The following MAPDA variants were observed in gnomAD, a reference collection of about 807,000 sequenced individuals.
The protein encoded by MAPDA is N6,N6-dimethyl-AMP deaminase.
chr15:43,340,267 C>G, the MAPDA span: 1 of 1,613,622 alleles, frequency 6.2e-7, no homozygotes, highest in African/African-American at 1.3e-5. Context: ...ATTATCAGGT[C>G]ACAAAAGATG....
At chr15:43,340,939 A>G in the MAPDA span, among the ~76,000 whole-genome samples, 1 of 152,160 alleles carries the variant, frequency 6.6e-6, no homozygotes, top group Non-Finnish European at 1.5e-5. Flanking sequence ...ATCATGTTTT[A>G]TGGTAGTTAC....
chr15:43,330,715 T>C, the MAPDA span: 2 of 459,480 alleles, frequency 4.4e-6, no homozygotes, highest in East Asian at 6.8e-5. Flanking sequence ...TTCTTTGGAA[T>C]GTCGTGAGTT....
chr15:43,342,507 G>A, the MAPDA span, among the ~76,000 whole-genome samples: 1,589 of 149,880 alleles, frequency 0.011, 31 homozygotes, highest in African/African-American at 0.037. Flanking sequence ...CCAGCACTTT[G>A]GGAGGCCAAG....
the MAPDA span, chr15:43,349,182 T>G: frequency 6.8e-7 from 1 of 1,460,566 alleles, no homozygotes; most frequent in African/African-American, 1.4e-5. Context: ...GTGTGTGCTT[T>G]CTGAGCCTTA....
At chr15:43,335,915 T>C in the MAPDA span, 1 of 1,493,326 alleles carries the variant, frequency 6.7e-7, no homozygotes, top group Non-Finnish European at 9.0e-7. Flanking sequence ...CAGATTTTGG[T>C]AAACAGAAAT....
the MAPDA span, among the ~76,000 whole-genome samples, chr15:43,337,504 C>G: frequency 6.6e-6 from 1 of 152,248 alleles, no homozygotes; most frequent in African/African-American, 2.4e-5. Context: ...CTCCATGATA[C>G]TAGAGTCTGA....
chr15:43,348,912 A>C, the MAPDA span: 1 of 1,613,846 alleles, frequency 6.2e-7, no homozygotes, highest in Non-Finnish European at 8.5e-7. Context: ...TTTAGATTCC[A>C]AACCAAAAAA....
chr15:43,335,475 A>G, the MAPDA span, among the ~76,000 whole-genome samples: 1 of 152,204 alleles, frequency 6.6e-6, no homozygotes, highest in Non-Finnish European at 1.5e-5. Flanking sequence ...CGGAGGTTAC[A>G]GTGAGCTGAG....
At chr15:43,349,076 G>C in the MAPDA span, 25 of 1,613,968 alleles carry the variant, frequency 1.5e-5, no homozygotes, top group African/African-American at 2.9e-4. Flanking sequence ...TCTTCCAGAT[G>C]ACTCTCTGTC....
the MAPDA span, among the ~76,000 whole-genome samples, chr15:43,334,635 A>T: frequency 2.1e-5 from 1 of 47,968 alleles, no homozygotes; most frequent in Non-Finnish European, 3.1e-5. Context: ...CAAAAAAATT[A>T]TATATATATA....
chr15:43,330,358 GC>G, the MAPDA span: 1 of 1,600,332 alleles, frequency 6.2e-7, no homozygotes, highest in African/African-American at 1.3e-5. Context: ...GGCGCGCCGC[GC>G]CCGGAACCAG....
chr15:43,352,064 T>C, the MAPDA span: 2 of 1,002,792 alleles, frequency 2.0e-6, no homozygotes, highest in African/African-American at 3.3e-5. Flanking sequence ...TTGGGCTCTA[T>C]CACCAGCACC....
the MAPDA span, chr15:43,349,110 TG>T: frequency 1.9e-6 from 3 of 1,611,052 alleles, no homozygotes; most frequent in Non-Finnish European, 2.5e-6. Context: ...CCAGGTTGCC[TG>T]GGGATTACAG....
the MAPDA span, chr15:43,349,365 T>A: frequency 2.3e-5 from 23 of 982,130 alleles, 1 homozygote; most frequent in South Asian, 9.6e-4. Flanking sequence ...TGACATGTGT[T>A]ATGAAAATAT....
At chr15:43,330,376 G>T in the MAPDA span, 1 of 1,589,972 alleles carries the variant, frequency 6.3e-7, no homozygotes, top group Non-Finnish European at 8.5e-7. Context: ...CCAGCAACGC[G>T]GCAAAGGGGT....
the MAPDA span, among the ~76,000 whole-genome samples, chr15:43,340,549 A>T: frequency 3.5e-4 from 54 of 152,288 alleles, 1 homozygote; most frequent in South Asian, 0.011. Context: ...TTTTAGAGAC[A>T]GGGTCTTGCT....
the MAPDA span, chr15:43,335,568 TG>T: frequency 9.1e-7 from 1 of 1,096,632 alleles, no homozygotes; most frequent in African/African-American, 1.6e-5. Flanking sequence ...AGGCAAAATT[TG>T]TAAACTTTAT....
At chr15:43,348,886 C>T in the MAPDA span, 1 of 1,610,766 alleles carries the variant, frequency 6.2e-7, no homozygotes, top group South Asian at 1.1e-5. Flanking sequence ...CCATTGATCC[C>T]CTTTCCTCCC....
At chr15:43,330,420 T>C in the MAPDA span, 1 of 1,565,292 alleles carries the variant, frequency 6.4e-7, no homozygotes, top group South Asian at 1.2e-5. Flanking sequence ...AGGGAACGCT[T>C]GCTGAGGGCG....
Sources: allele counts gnomAD v4.1 joint callset (sites outside exome capture counted in the v4.1 genomes callset), GRCh38; gene constraint gnomAD v4.1.1; transcripts MANE v1.5; gene names NCBI Gene and HGNC (gene_info 2026-07-23, HGNC 2026-07-21).